PHACTR2: variants seen among roughly 807,000 people sequenced by gnomAD.
PHACTR2 encodes the protein phosphatase and actin regulator 2.
In PHACTR2, 30 loss-of-function variants were observed where a neutral mutation model predicts 76.0. That is an observed-to-expected ratio of 0.39 (90% CI 0.30 to 0.54). The LOEUF (loss-of-function observed/expected upper bound fraction) is 0.54, where lower values mean the gene tolerates loss of function less well. PHACTR2 is among the 20% of genes least tolerant of loss of function. The probability of loss-of-function intolerance (pLI) is 0.61; values close to 1 mark genes in which losing one functional copy is unlikely to be tolerated. For synonymous variants in PHACTR2, 292 were observed against 292.5 expected (o/e 1.00, Z 0.02); for missense variants, 696 against 781.1 (o/e 0.89, Z 1.30).
At position 143,610,246 on chromosome 6, in the gene PHACTR2, A is replaced by G. The variant is rs1775954742; in HGVS notation, c.13+1924A>G. On this transcript the variant is annotated intron_variant, in intron 1 of 11. Transcript: ENST00000305766. This position sits in a 1 kb window ranked among gnomAD's most constrained non-coding sequence, Gnocchi z 4.9. ...ACAGACATTTCAATACATTATATTG[A>G]CTGTAAGGGAAGCATTTAAGATAAA... 6.6e-6 allele frequency among the ~76,000 whole-genome samples: 1 copy of G among 151,868 alleles called. No homozygotes were observed. The highest frequency in any genetic ancestry group is 1.5e-5 in the Non-Finnish European group (1 of 68,010).
rs1348946333 is a variant in PHACTR2 at position 143,585,024 on chromosome 6, T to C, written c.217+47817T>C. Among the ~76,000 whole-genome samples, 3 of 150,820 alleles carry C rather than the reference T, an allele frequency of 2.0e-5. No homozygotes were observed. In the East Asian group the frequency reaches 5.8e-4, roughly 29 times the overall value. On this transcript the variant is annotated intron_variant, in intron 1 of 11. Transcript: ENST00000367584. The surrounding 1 kb of genome is among the most constrained non-coding windows in gnomAD (Gnocchi z 5.2). Reference sequence around the variant, plus strand: ...CTATAGGCTTGGCTGTCATACCTTCTATAGGCTTGGCTGTCATAACTCAAG... The same window carrying C: ...CTATAGGCTTGGCTGTCATACCTTCCATAGGCTTGGCTGTCATAACTCAAG...
chr6:143,575,109 A>G (rs956635468), intron 1 of PHACTR2, among the ~76,000 whole-genome samples: 1 of 129,120 alleles, frequency 7.7e-6, no homozygotes, highest in Non-Finnish European at 1.7e-5. Flanking sequence ...TCAACACTCC[A>G]AAAACATTTT....
In PHACTR2 at chr6:143,559,705, T is replaced by C. The variant is rs1216960424; in HGVS notation, c.217+22498T>C. On this transcript the variant is annotated intron_variant, in intron 1 of 11. Transcript: ENST00000367584. ...TTTTTCTTTTCTTTTTTTTTTTTTT[T>C]TTTTTTTTTTTTTTTTTTTTTGGAG... 7.6e-3 allele frequency among the ~76,000 whole-genome samples: 933 copies of C among 122,664 alleles called. 26 individuals carry two copies. The highest frequency in any genetic ancestry group is 0.028 in the African/African-American group (883 of 31,444). The allele number at this position is 122,664 out of a possible 152,430, so 80.5% of individuals were successfully genotyped here.
intron 1 of PHACTR2, among the ~76,000 whole-genome samples, chr6:143,579,394 G>A (rs1175543247): frequency 6.6e-6 from 1 of 152,102 alleles, no homozygotes; most frequent in East Asian, 1.9e-4. Flanking sequence ...TTGCTTTGCA[G>A]GGAGGATGAG....
At chr6:143,706,424 T>C (rs1460157977) in intron 1 of PHACTR2, among the ~76,000 whole-genome samples, 1 of 152,184 alleles carries the variant, frequency 6.6e-6, no homozygotes, top group Admixed American at 6.6e-5. Context: ...TTTACTTATC[T>C]ATCTGTCTAC....
rs912582596 is a variant in PHACTR2, at chr6:143,710,277, T to G, written c.47-1739T>G. The stretch of plus-strand genomic sequence containing the variant: ...ACCCAGGAATCTCACCACCGTGTTG[T>G]TTCTTGGGTTCTGAGGTCCCAGGCT... On this transcript the variant is annotated intron_variant, in intron 1 of 12. Transcript: ENST00000440869. The surrounding 1 kb of genome is among the most constrained non-coding windows in gnomAD (Gnocchi z 4.9). 2.0e-5 allele frequency among the ~76,000 whole-genome samples: 3 copies of G among 152,226 alleles called. No homozygotes were observed. Among genetic ancestry groups the G allele is most frequent in the Non-Finnish European group, 2.9e-5 (2 of 68,038 alleles).
chr6:143,665,263 T>C (rs781284748), intron 1 of PHACTR2, among the ~76,000 whole-genome samples: 1 of 152,248 alleles, frequency 6.6e-6, no homozygotes, highest in East Asian at 1.9e-4. Context: ...TTTCATTTAC[T>C]TGGATTTATT....
rs1176017985 is a variant in PHACTR2 at position 143,647,428 on chromosome 6, A to G, written c.13+39106A>G. 6.6e-6 allele frequency among the ~76,000 whole-genome samples: 1 copy of G among 152,234 alleles called. No individual in the cohort carries two copies. Among genetic ancestry groups the G allele is most frequent in the East Asian group, 1.9e-4 (1 of 5,200 alleles). On this transcript the variant is annotated intron_variant, in intron 1 of 11. Transcript: ENST00000305766. This position sits in a 1 kb window ranked among gnomAD's most constrained non-coding sequence, Gnocchi z 4.2. ...GAAACCATTTCACATGTGTTTATTCATTCACACCTACAGTGTGCCAGCTCC... is the reference window on the plus strand; with the variant it reads ...GAAACCATTTCACATGTGTTTATTCGTTCACACCTACAGTGTGCCAGCTCC...
chr6:143,682,971 C>A (rs1777432117), intron 1 of PHACTR2, among the ~76,000 whole-genome samples: 1 of 152,160 alleles, frequency 6.6e-6, no homozygotes, highest in African/African-American at 2.4e-5. Flanking sequence ...TTATCCTATT[C>A]ATTTGTCATG....
In PHACTR2 at chr6:143,819,792, A is replaced by G. The variant is rs1562319246; in HGVS notation, c.1923-3882A>G. Among the ~76,000 whole-genome samples the G allele has an allele frequency of 6.6e-6, 1 of 152,176 alleles. No individual in the cohort carries two copies. Among genetic ancestry groups the G allele is most frequent in the Non-Finnish European group, 1.5e-5 (1 of 68,024 alleles). Reference sequence around the variant, plus strand: ...AAGATCTTCCCTACCTAGTCCACTCAGACTCACAAGCCAGTCCCTGAAAAC... The same window carrying G: ...AAGATCTTCCCTACCTAGTCCACTCGGACTCACAAGCCAGTCCCTGAAAAC... On this transcript the variant is annotated intron_variant, in intron 12 of 12. Coordinates refer to ENST00000440869, the MANE Select transcript of PHACTR2 (RefSeq NM_001100164.2). This position sits in a 1 kb window ranked among gnomAD's most constrained non-coding sequence, Gnocchi z 5.0.
chr6:143,814,562 C>CT (rs1412256649), intron 12 of PHACTR2, among the ~76,000 whole-genome samples: 6 of 146,398 alleles, frequency 4.1e-5, no homozygotes. Context: ...CAGAGGTCAA[C>CT]TGTATATACG....
rs532089854 is a variant in PHACTR2, at chr6:143,780,641, A to G, written c.1646-2578A>G. Among the ~76,000 whole-genome samples, 5 of 152,240 alleles carry G rather than the reference A, an allele frequency of 3.3e-5. No homozygotes were observed. In the East Asian group the frequency reaches 5.8e-4, roughly 18 times the overall value. On this transcript the variant is annotated intron_variant, in intron 9 of 12. Transcript: ENST00000440869. This position sits in a 1 kb window ranked among gnomAD's most constrained non-coding sequence, Gnocchi z 4.4. ...TCATCCACAAAATTCTCTGGGTAAC[A>G]TTGCTCGCTAGGCGGGTTTCCTGTG...
chr6:143,584,806 G>A (rs1027243245), intron 1 of PHACTR2, among the ~76,000 whole-genome samples: 1 of 151,976 alleles, frequency 6.6e-6, no homozygotes, highest in African/African-American at 2.4e-5. Flanking sequence ...GGCTGAGTTC[G>A]GGTCAGAAGT....
rs1775744675 is a variant in PHACTR2 at position 143,595,816 on chromosome 6, A to G, written c.217+58609A>G. 6.6e-6 allele frequency among the ~76,000 whole-genome samples: 1 copy of G among 152,218 alleles called. No homozygotes were observed. Among genetic ancestry groups the G allele is most frequent in the Non-Finnish European group, 1.5e-5 (1 of 68,040 alleles). On this transcript the variant is annotated intron_variant, in intron 1 of 11. Coordinates refer to the PHACTR2 transcript ENST00000367584. This position sits in a 1 kb window ranked among gnomAD's most constrained non-coding sequence, Gnocchi z 4.2. ...TACTTAATTTAGCTTTCCAAAGATA[A>G]ACACACTGGTGAATCATTACATGCT...
At position 143,641,037 on chromosome 6, in the gene PHACTR2, T is replaced by C. The variant is rs532192809; in HGVS notation, c.13+32715T>C. Among the ~76,000 whole-genome samples the C allele has an allele frequency of 2.0e-5, 3 of 152,196 alleles. No individual in the cohort carries two copies. The highest frequency in any genetic ancestry group is 4.4e-5 in the Non-Finnish European group (3 of 68,034). On this transcript the variant is annotated intron_variant, in intron 1 of 11. Coordinates refer to the PHACTR2 transcript ENST00000305766. This position sits in a 1 kb window ranked among gnomAD's most constrained non-coding sequence, Gnocchi z 5.8. ...AATGAGAATGTATTTCTCATAGTTC[T>C]GGAGGTTGGTGGTCCACGATCAAGG...
Position 143,641,503 on chromosome 6 carries a change from G to GTT in PHACTR2, c.13+33182_13+33183insTT. On this transcript the variant is annotated intron_variant, in intron 1 of 11. Transcript: ENST00000305766. The surrounding 1 kb of genome is among the most constrained non-coding windows in gnomAD (Gnocchi z 5.8). ...GTTGTTGATTTGTTTGTTTGTTTGTGTGTTTGTTGTTGTTGTTTTTGAGAC... is the reference window on the plus strand; with the variant it reads ...GTTGTTGATTTGTTTGTTTGTTTGTGTTTGTTTGTTGTTGTTGTTTTTGAGAC... Among the ~76,000 whole-genome samples the GTT allele has an allele frequency of 6.6e-6, 1 of 152,058 alleles. No homozygotes were observed. Among genetic ancestry groups the GTT allele is most frequent in the Admixed American group, 6.6e-5 (1 of 15,250 alleles).
chr6:143,650,378 C>G (rs908445065), intron 1 of PHACTR2, among the ~76,000 whole-genome samples: 1 of 152,114 alleles, frequency 6.6e-6, no homozygotes, highest in Admixed American at 6.6e-5. Context: ...GCCCAAATAG[C>G]CGAGGCAATC....
intron 4 of PHACTR2, among the ~76,000 whole-genome samples, chr6:143,756,150 A>C (rs1779292191): frequency 6.6e-6 from 1 of 152,140 alleles, no homozygotes; most frequent in African/African-American, 2.4e-5. Context: ...ACAATATCTC[A>C]ATACTTTAAT....
At chr6:143,717,642 A>G (rs1001389192) in intron 2 of PHACTR2, among the ~76,000 whole-genome samples, 1 of 151,428 alleles carries the variant, frequency 6.6e-6, no homozygotes, top group African/African-American at 2.4e-5. Context: ...CACAATCACA[A>G]CTCACTGCAT....
Sources: allele counts gnomAD v4.1 joint callset (sites outside exome capture counted in the v4.1 genomes callset), GRCh38; gene constraint gnomAD v4.1.1; non-coding constraint Gnocchi (gnomAD v3.1); transcripts MANE v1.5; gene names NCBI Gene and HGNC (gene_info 2026-07-23, HGNC 2026-07-21).